The following FAM193A variants were observed in gnomAD, a reference collection of about 807,000 sequenced individuals.
FAM193A encodes family with sequence similarity 193 member A.
In FAM193A, 22 loss-of-function variants were observed where a neutral mutation model predicts 126.5. The observed-to-expected ratio is 0.17, with a 90% CI of 0.12 to 0.25. The LOEUF (loss-of-function observed/expected upper bound fraction) is 0.25. Ranked by LOEUF, FAM193A falls within the 10% of genes least tolerant of loss-of-function variation. FAM193A has a pLI of 1.00. For synonymous variants in FAM193A, 761 were observed against 646.8 expected, an observed-to-expected ratio of 1.18 and a Z score of -2.68; for missense variants, 1,675 against 1,672.8, an observed-to-expected ratio of 1.00 and a Z score of -0.02.
At chr4:2,610,621 G>A (rs2108941405) in intron 2 of FAM193A, among the ~76,000 whole-genome samples, 1 of 152,190 alleles carries the variant, frequency 6.6e-6, no homozygotes, top group Admixed American at 6.5e-5. Context: ...TTTTATTTCT[G>A]GGTAATAATC....
In FAM193A at chr4:2,562,665, C is replaced by T. The variant is rs142369281; in HGVS notation, c.255+25495C>T. On this transcript the variant is annotated intron_variant, in intron 1 of 20. Coordinates refer to ENST00000637812, the MANE Select transcript of FAM193A (RefSeq NM_001366318.2). ...TTTTTTTTTTAGACGGAGTCTTGCT[C>T]TGTTGCCAGGCTGGAGTGCAATGGT... 6.5e-3 allele frequency among the ~76,000 whole-genome samples: 975 copies of T among 150,564 alleles called. 16 individuals carry two copies. Among genetic ancestry groups the T allele is most frequent in the African/African-American group, 0.023 (936 of 40,754 alleles).
Position 2,628,804 on chromosome 4 carries a change from G to A in FAM193A, c.804-2131G>A, listed in dbSNP as rs530421960. Among the ~76,000 whole-genome samples, 7 of 152,126 alleles carry A rather than the reference G, an allele frequency of 4.6e-5. No homozygotes were observed. In the South Asian group the frequency reaches 1.2e-3, roughly 27 times the overall value. On this transcript the variant is annotated intron_variant, in intron 4 of 20. Transcript: ENST00000637812. Reference sequence around the variant, plus strand: ...GCCCGCATCTGTTGAATGTGTGTGTGAGTTAGCGAATGAGCTTCCTAGCTT... The same window carrying A: ...GCCCGCATCTGTTGAATGTGTGTGTAAGTTAGCGAATGAGCTTCCTAGCTT...
rs1737595295 is a variant in FAM193A, at chr4:2,546,873, A to G, written c.255+9703A>G. Among the ~76,000 whole-genome samples the G allele has an allele frequency of 3.9e-5, 6 of 152,298 alleles. No homozygotes were observed. In the South Asian group the frequency reaches 1.2e-3, roughly 32 times the overall value. On this transcript the variant is annotated intron_variant, in intron 1 of 20. Transcript: ENST00000637812. ...ATAATACCATTTTGCCTACTCACGC[A>G]ATGTCTGAGAGTTCTGGTTGCTCTG...
chr4:2,621,988 C>T (rs1280175309), intron 2 of FAM193A, among the ~76,000 whole-genome samples: 2 of 152,146 alleles, frequency 1.3e-5, no homozygotes, highest in Non-Finnish European at 2.9e-5. Context: ...AGTGTGGTGG[C>T]TCACGCCTGT....
chr4:2,561,765 G>A (rs1490394762), intron 1 of FAM193A, among the ~76,000 whole-genome samples: 1 of 152,132 alleles, frequency 6.6e-6, no homozygotes, highest in Non-Finnish European at 1.5e-5. Context: ...CCAAAGTGCT[G>A]GGATTACAGG....
At position 2,557,139 on chromosome 4, in the gene FAM193A, TAAC is replaced by T. The variant is rs576887847; in HGVS notation, c.255+19975_255+19977del. On this transcript the variant is annotated intron_variant, in intron 1 of 20. Coordinates refer to ENST00000637812, the MANE Select transcript of FAM193A (RefSeq NM_001366318.2). ...TTGTAAATTAGGCACAGTGAGAGATTAACAACAATAACAGTAATAGGACAATTA... is the reference window on the plus strand; with the variant it reads ...TTGTAAATTAGGCACAGTGAGAGATTAACAATAACAGTAATAGGACAATTA... Among the ~76,000 whole-genome samples the T allele has an allele frequency of 2.5e-4, 38 of 152,270 alleles. No individual in the cohort carries two copies. The South Asian group carries it at 7.7e-3, about 31-fold the overall frequency.
Position 2,619,012 on chromosome 4 carries a change from G to A in FAM193A, c.502-6250G>A, listed in dbSNP as rs547320368. 5.9e-5 allele frequency among the ~76,000 whole-genome samples: 9 copies of A among 152,298 alleles called. No individual in the cohort carries two copies. In the East Asian group the frequency reaches 1.7e-3, roughly 29 times the overall value. ...CTCCCAAAATGCTGGGATTATAGGC[G>A]TGAGCCATCGCGTCTGGGCTGGATT... On this transcript the variant is annotated intron_variant, in intron 2 of 20. Coordinates refer to ENST00000637812, the MANE Select transcript of FAM193A (RefSeq NM_001366318.2).
chr4:2,598,910 C>CT (rs1741028709), intron 2 of FAM193A, among the ~76,000 whole-genome samples: 1 of 152,222 alleles, frequency 6.6e-6, no homozygotes, highest in South Asian at 2.1e-4. Flanking sequence ...CAGCTCTGTG[C>CT]TCACGGCCTT....
intron 1 of FAM193A, among the ~76,000 whole-genome samples, chr4:2,539,391 G>A (rs1737084228): frequency 6.6e-6 from 1 of 152,110 alleles, no homozygotes; most frequent in Non-Finnish European, 1.5e-5. Flanking sequence ...TGACAGGACT[G>A]TGATATTCTG....
At chr4:2,601,896 T>C (rs1272489776) in intron 2 of FAM193A, among the ~76,000 whole-genome samples, 1 of 152,168 alleles carries the variant, frequency 6.6e-6, no homozygotes, top group Non-Finnish European at 1.5e-5. Flanking sequence ...CGGAATGCAG[T>C]GGCGTGATCT....
intron 17 of FAM193A, 58 bp downstream of exon 17, chr4:2,695,187 T>C: frequency 7.0e-7 from 1 of 1,436,176 alleles, no homozygotes; most frequent in Non-Finnish European, 9.2e-7. Context: ...ACGGGCTCCT[T>C]TGCAGAAATT....
intron 13 of FAM193A, among the ~76,000 whole-genome samples, chr4:2,681,848 G>C (rs536395252): frequency 6.6e-6 from 1 of 151,948 alleles, no homozygotes; most frequent in South Asian, 2.1e-4. Context: ...CTTTCACTGC[G>C]TCCCGTAAGT....
At position 2,603,556 on chromosome 4, in the gene FAM193A, A is replaced by G. The variant is rs539289751; in HGVS notation, c.501+7227A>G. ...ACTGCAAGCTCCGCCTCCTGGGTTCACACCATTCTCCTGCCTCAGCCTCCC... is the reference window on the plus strand; with the variant it reads ...ACTGCAAGCTCCGCCTCCTGGGTTCGCACCATTCTCCTGCCTCAGCCTCCC... On this transcript the variant is annotated intron_variant, in intron 2 of 20. Transcript: ENST00000637812. 1.4e-3 allele frequency among the ~76,000 whole-genome samples: 198 copies of G among 143,634 alleles called. 1 individual carries two copies. Among genetic ancestry groups the G allele is most frequent in the Non-Finnish European group, 2.1e-4 (14 of 66,788 alleles). The allele number at this position is 143,634 out of a possible 152,430, so 94.2% of individuals were successfully genotyped here. A position where few individuals can be genotyped will look rare whatever the true frequency, so the allele number is the denominator to read the frequency against.
intron 15 of FAM193A, 46 bp from the exon 16 acceptor site, chr4:2,693,540 A>T (rs1450077300): frequency 1.3e-6 from 2 of 1,565,948 alleles, no homozygotes; most frequent in South Asian, 1.2e-5. Context: ...AGGTTTGAAC[A>T]TTTTTGAAAC....
In FAM193A at chr4:2,636,859, C is replaced by A. The variant is rs958744603; in HGVS notation, c.1039-2876C>A. 3.0e-4 allele frequency among the ~76,000 whole-genome samples: 46 copies of A among 152,204 alleles called. 1 individual carries two copies. The highest frequency in any genetic ancestry group is 2.4e-3 in the Admixed American group (36 of 15,284). The stretch of plus-strand genomic sequence containing the variant: ...CCAGCTAGTTAGCTCTTCTGAACAG[C>A]ACCCCCATTCTACTTGTTTTTGCTG... On this transcript the variant is annotated intron_variant, in intron 5 of 20. Coordinates refer to ENST00000637812, the MANE Select transcript of FAM193A (RefSeq NM_001366318.2).
chr4:2,662,480 A>G (rs1460838238), intron 10 of FAM193A, among the ~76,000 whole-genome samples: 1 of 152,216 alleles, frequency 6.6e-6, no homozygotes, highest in Non-Finnish European at 1.5e-5. Context: ...TTAATCACAA[A>G]TTGTGTTGTC....
At chr4:2,547,321 A>G (rs1737623801) in intron 1 of FAM193A, among the ~76,000 whole-genome samples, 1 of 152,062 alleles carries the variant, frequency 6.6e-6, no homozygotes, top group Non-Finnish European at 1.5e-5. Flanking sequence ...TGAACCTGGG[A>G]GGTGAAGGTT....
chr4:2,656,948 C>T (rs1237306277), intron 7 of FAM193A, among the ~76,000 whole-genome samples: 2 of 152,224 alleles, frequency 1.3e-5, no homozygotes, highest in Non-Finnish European at 2.9e-5. Context: ...AGGTGGATCA[C>T]TTGAGGCCAG....
chr4:2,574,490 A>G (rs190067746), intron 1 of FAM193A, among the ~76,000 whole-genome samples: 3 of 152,298 alleles, frequency 2.0e-5, no homozygotes, highest in East Asian at 1.9e-4. Flanking sequence ...GAATTAGGCA[A>G]TTGTACTGTA....
Sources: gnomAD v4.1 joint callset for allele counts (sites outside exome capture counted in the v4.1 genomes callset) on GRCh38, gnomAD v4.1.1 for gene constraint, MANE v1.5 for transcripts, NCBI Gene and HGNC (gene_info 2026-07-23, HGNC 2026-07-21) for gene names.